The following SMURF1 variants were observed in gnomAD, a reference collection of about 807,000 sequenced individuals.
SMURF1 encodes E3 ubiquitin-protein ligase SMURF1.
Under a neutral mutation model 98.0 loss-of-function variants are expected in SMURF1, and 44 were observed. The observed-to-expected ratio is 0.45, with a 90% CI of 0.35 to 0.58. The LOEUF is 0.58. Among genes scored for constraint, SMURF1 ranks in the 20% least tolerant of loss-of-function variants. The pLI is 0.00. For missense variants in SMURF1, 687 were observed against 938.4 expected, an observed-to-expected ratio of 0.73 and a Z score of 3.50; for synonymous variants, 396 against 374.9, an observed-to-expected ratio of 1.06 and a Z score of -0.65.
intron 1 of SMURF1, among the ~76,000 whole-genome samples, chr7:99,088,065 T>C (rs533463221): frequency 1.3e-4 from 20 of 152,100 alleles, no homozygotes; most frequent in African/African-American, 4.8e-4. Flanking sequence ...GAGACCAGCC[T>C]GGCCAACATA....
intron 1 of SMURF1, among the ~76,000 whole-genome samples, chr7:99,090,481 T>C (rs1420822255): frequency 6.6e-6 from 1 of 151,794 alleles, no homozygotes; most frequent in African/African-American, 2.4e-5. Flanking sequence ...AATTTCCCTA[T>C]CCCAGCAAAG....
chr7:99,060,766 G>T, intron 2 of SMURF1, 59 bp from the exon 3 acceptor site: 1 of 1,102,902 alleles, frequency 9.1e-7, no homozygotes, highest in Non-Finnish European at 1.3e-6. Flanking sequence ...ATGTGACACA[G>T]AACACACAAT....
At chr7:99,090,790 C>G (rs767758528) in intron 1 of SMURF1, among the ~76,000 whole-genome samples, 1 of 152,128 alleles carries the variant, frequency 6.6e-6, no homozygotes, top group Non-Finnish European at 1.5e-5. Context: ...TCCTAGGAGA[C>G]GGTAACTTTC....
At chr7:99,060,761 A>AGGT in intron 2 of SMURF1, 54 bp from the exon 3 acceptor site, 1 of 1,112,470 alleles carries the variant, frequency 9.0e-7, no homozygotes, top group Non-Finnish European at 1.3e-6. Context: ...CATCCATGTG[A>AGGT]CACAGAACAC....
In SMURF1 at chr7:99,097,461, T is replaced by C. The variant is rs149369153; in HGVS notation, c.56-35624A>G. ...TTAGGTCATGAAGGCTCTACTCGCA[T>C]GAATGGATTGATGACATTAAAAAAG... On this transcript the variant is annotated intron_variant, in intron 1 of 17. Coordinates refer to ENST00000361368, the MANE Select transcript of SMURF1 (RefSeq NM_181349.3). 1.0e-3 allele frequency among the ~76,000 whole-genome samples: 157 copies of C among 152,336 alleles called. 1 individual carries two copies. The highest frequency in any genetic ancestry group is 3.6e-3 in the African/African-American group (150 of 41,568).
chr7:99,123,325 G>A (rs1797682870), intron 1 of SMURF1, among the ~76,000 whole-genome samples: 1 of 152,118 alleles, frequency 6.6e-6, no homozygotes, highest in South Asian at 2.1e-4. Context: ...TAGAGACCAG[G>A]AGTTCGAGAC....
chr7:99,037,531 G>A (rs1166337242), intron 14 of SMURF1, among the ~76,000 whole-genome samples: 3 of 152,130 alleles, frequency 2.0e-5, no homozygotes, highest in Non-Finnish European at 2.9e-5. Context: ...GAGCCACTGC[G>A]CCCGACCTGT....
chr7:99,091,470 A>G (rs1796809207), intron 1 of SMURF1, among the ~76,000 whole-genome samples: 1 of 152,188 alleles, frequency 6.6e-6, no homozygotes, highest in African/African-American at 2.4e-5. Context: ...GGCATTCACA[A>G]GACTGCTCTG....
chr7:99,077,757 AT>A (rs1178624621), intron 1 of SMURF1, among the ~76,000 whole-genome samples: 1 of 152,132 alleles, frequency 6.6e-6, no homozygotes, highest in Admixed American at 6.6e-5. Flanking sequence ...TGAATATGAA[AT>A]TTTTCCAGGT....
intron 1 of SMURF1, among the ~76,000 whole-genome samples, chr7:99,100,469 C>T (rs7795552): frequency 0.72 from 109,663 of 152,170 alleles, 44,098 homozygotes; most frequent in South Asian, 0.92. Context: ...GCAGGAGAAT[C>T]GCTTTAACCT....
chr7:99,095,060 T>G (rs1482442565), intron 1 of SMURF1, among the ~76,000 whole-genome samples: 3 of 134,912 alleles, frequency 2.2e-5, no homozygotes, highest in Non-Finnish European at 4.9e-5. Flanking sequence ...TGTTGCTGTT[T>G]TTGTTTATTT....
At chr7:99,143,161 G>C (rs1242922133) in intron 1 of SMURF1, among the ~76,000 whole-genome samples, 2 of 139,076 alleles carry the variant, frequency 1.4e-5, no homozygotes, top group Non-Finnish European at 3.1e-5. Context: ...GCAGAGAGGA[G>C]CGAGGGGGTG....
At position 99,087,477 on chromosome 7, in the gene SMURF1, G is replaced by A. The variant is rs551326704; in HGVS notation, c.56-25640C>T. Among the ~76,000 whole-genome samples, 8 of 152,310 alleles carry A rather than the reference G, an allele frequency of 5.3e-5. No individual in the cohort carries two copies. The South Asian group carries it at 1.7e-3, about 32-fold the overall frequency. ...TAAGTCTTAGCATTATCTTACTAGA[G>A]GATGTTAAGTCGGTGTTTAAAATGC... On this transcript the variant is annotated intron_variant, in intron 1 of 17. Coordinates refer to ENST00000361368, the MANE Select transcript of SMURF1 (RefSeq NM_181349.3).
chr7:99,080,525 C>T (rs1272482956), intron 1 of SMURF1, among the ~76,000 whole-genome samples: 2 of 152,104 alleles, frequency 1.3e-5, no homozygotes, highest in Non-Finnish European at 2.9e-5. Context: ...TCTTGAACTC[C>T]CAACCTCAGG....
At chr7:99,042,283 T>A in intron 11 of SMURF1, 51 bp from the exon 12 acceptor site, 4 of 1,240,192 alleles carry the variant, frequency 3.2e-6, no homozygotes, top group South Asian at 1.3e-5. Flanking sequence ...ATTTCTACAT[T>A]TTTTTTTTTT....
chr7:99,084,806 C>G (rs898224244), intron 1 of SMURF1, among the ~76,000 whole-genome samples: 4 of 152,130 alleles, frequency 2.6e-5, no homozygotes, highest in African/African-American at 4.8e-5. Flanking sequence ...GGTATGGGTC[C>G]CCCCGCAAAT....
intron 1 of SMURF1, among the ~76,000 whole-genome samples, chr7:99,120,206 A>C (rs867311198): frequency 9.2e-5 from 14 of 152,214 alleles, no homozygotes; most frequent in African/African-American, 3.1e-4. Context: ...GAAGCTAAGC[A>C]GATGCCAACA....
At chr7:99,033,144 A>G (rs1794981802) in intron 16 of SMURF1, 23 bp from the exon 17 acceptor site, 1 of 1,556,808 alleles carries the variant, frequency 6.4e-7, no homozygotes, top group Non-Finnish European at 8.7e-7. Context: ...CATTCTAGTT[A>G]ATGTACTTCA....
chr7:99,103,738 T>C (rs1309056666), intron 1 of SMURF1, among the ~76,000 whole-genome samples: 1 of 152,206 alleles, frequency 6.6e-6, no homozygotes, highest in Non-Finnish European at 1.5e-5. Context: ...GTTTTCTGGT[T>C]TCAATGATGG....
Sources: gnomAD v4.1 joint callset for allele counts (sites outside exome capture counted in the v4.1 genomes callset) on GRCh38, gnomAD v4.1.1 for gene constraint, MANE v1.5 for transcripts, NCBI Gene and HGNC (gene_info 2026-07-23, HGNC 2026-07-21) for gene names.